The following FMNL3 variants were observed in gnomAD, a reference collection of about 807,000 sequenced individuals.
FMNL3 encodes the protein formin like 3, also known as formin-like protein 3.
FMNL3 carries 57 observed loss-of-function variants against 119.6 expected under a neutral mutation model. The observed-to-expected ratio is 0.48, with a 90% CI of 0.39 to 0.59. FMNL3 has a LOEUF of 0.59. Among genes scored for constraint, FMNL3 ranks in the 20% least tolerant of loss-of-function variants. The probability of loss-of-function intolerance (pLI) is 0.00; values close to 1 mark genes in which losing one functional copy is unlikely to be tolerated. For missense variants in FMNL3, 1,053 were observed against 1,323.5 expected (o/e 0.80, Z 3.17); for synonymous variants, 491 against 507.3 (o/e 0.97, Z 0.43).
At chr12:49,687,096 C>T (rs762087860) in intron 1 of FMNL3, among the ~76,000 whole-genome samples, 24,599 of 142,214 alleles carry the variant, frequency 0.17, 3,420 homozygotes, top group African/African-American at 0.38. Flanking sequence ...TTCCCCATTC[C>T]TTTTTTTTTT....
At position 49,693,987 on chromosome 12, in the gene FMNL3, G is replaced by A. The variant is rs115609983; in HGVS notation, c.126+13068C>T. 4.1e-4 allele frequency among the ~76,000 whole-genome samples: 62 copies of A among 151,638 alleles called. 1 individual carries two copies. The highest frequency in any genetic ancestry group is 1.2e-3 in the Admixed American group (19 of 15,232). On this transcript the variant is annotated intron_variant, in intron 1 of 25. Transcript: ENST00000335154. ...AGGGTCTCATTCAGAGGCCCGGACCGGAGTGCAGTGGCACAATCACGGCTC... is the reference window on the plus strand; with the variant it reads ...AGGGTCTCATTCAGAGGCCCGGACCAGAGTGCAGTGGCACAATCACGGCTC...
At position 49,645,646 on chromosome 12, in the gene FMNL3, A is replaced by T; in HGVS notation, c.*169T>A. 1.7e-6 allele frequency: 1 copy of T among 584,194 alleles called. No homozygotes were observed. Among genetic ancestry groups the T allele is most frequent in the Non-Finnish European group, 3.0e-6 (1 of 338,834 alleles). 36.2% of individuals were successfully genotyped at this position (584,194 alleles called of 1,614,324 possible). A position where few individuals can be genotyped will look rare whatever the true frequency, so the allele number is the denominator to read the frequency against. On this transcript the variant is annotated 3_prime_UTR_variant, in exon 26 of 26. Coordinates refer to ENST00000335154, the MANE Select transcript of FMNL3 (RefSeq NM_175736.5). ...AGTACTGGAAGCACCAGGGACCTAC[A>T]GACCTAGTGCCCATAGTGGCACAAG...
In FMNL3 at chr12:49,642,634, G is replaced by A; in HGVS notation, c.*3181C>T. ...CTTTGAGCAGATCACCCTGGAGTCG[G>A]AGCGGATCCGGCTCTTCCGGGAGTT... is the stretch of plus-strand genomic sequence containing the variant. On this transcript the variant is annotated 3_prime_UTR_variant, in exon 26 of 26. Transcript: ENST00000335154. This position sits in a 1 kb window ranked among gnomAD's most constrained non-coding sequence, Gnocchi z 5.8. 1.9e-6 allele frequency: 3 copies of A among 1,614,210 alleles called. No homozygotes were observed. The highest frequency in any genetic ancestry group is 1.6e-4 in the Middle Eastern group (1 of 6,062).
chr12:49,658,457 C>T lies in FMNL3; in HGVS notation c.590G>A (p.Arg197His), dbSNP rs1420812239. The T allele has an allele frequency of 1.4e-5, 22 of 1,607,112 alleles. No individual in the cohort carries two copies. Among genetic ancestry groups the T allele is most frequent in the East Asian group, 2.2e-5 (1 of 44,672 alleles). ...GCACACATACCGGAGCACAGACTGG[C>T]GCGCAGAGCGAGCGAGGCTGTTGGT... ...PFTNSLARSA[R>H]QSVLRYSTLP... Residue 197 changes from arginine (R) to histidine (H), a missense_variant, in exon 6 of 26, where the codon CGC becomes CAC. Transcript: ENST00000335154.
chr12:49,689,860 T>G (rs568179083), intron 1 of FMNL3, among the ~76,000 whole-genome samples: 1 of 152,268 alleles, frequency 6.6e-6, no homozygotes, highest in South Asian at 2.1e-4. Flanking sequence ...TCCTCCTCCT[T>G]AATTCCCTCC....
At position 49,643,826 on chromosome 12, in the gene FMNL3, C is replaced by T. The variant is rs1942993537; in HGVS notation, c.*1989G>A. 1 of 1,614,044 alleles carries T rather than the reference C, an allele frequency of 6.2e-7. No individual in the cohort carries two copies. Among genetic ancestry groups the T allele is most frequent in the Non-Finnish European group, 8.5e-7 (1 of 1,179,942 alleles). On this transcript the variant is annotated 3_prime_UTR_variant, in exon 26 of 26. Coordinates refer to ENST00000335154, the MANE Select transcript of FMNL3 (RefSeq NM_175736.5). ...TTCTACCTGCCTCCCAGGCTATCCACAGGAACTGAGGAGGTGGGCTCTGGA... is the reference window on the plus strand; with the variant it reads ...TTCTACCTGCCTCCCAGGCTATCCATAGGAACTGAGGAGGTGGGCTCTGGA...
chr12:49,695,369 T>C (rs1944724117), intron 1 of FMNL3, among the ~76,000 whole-genome samples: 1 of 152,182 alleles, frequency 6.6e-6, no homozygotes. Flanking sequence ...CTTTTAGAAG[T>C]TGTTTTTCCA....
intron 1 of FMNL3, among the ~76,000 whole-genome samples, chr12:49,706,678 G>A (rs1945056538): frequency 6.6e-6 from 1 of 152,198 alleles, no homozygotes; most frequent in Non-Finnish European, 1.5e-5. Context: ...CCGCGCTTCT[G>A]AATTCCCCCC....
rs971013304 is a variant in FMNL3, at chr12:49,643,233, CAGA to C, written c.*2579_*2581del. On this transcript the variant is annotated 3_prime_UTR_variant, in exon 26 of 26. Transcript: ENST00000335154. Reference sequence around the variant, plus strand: ...TGCTGATCTGCCCAGGGCTCTGAGTCAGAAGAAGAGGAGCTGCCCCCACCATCT... The same window carrying C: ...TGCTGATCTGCCCAGGGCTCTGAGTCAGAAGAGGAGCTGCCCCCACCATCT... 26 of 1,613,978 alleles carry C rather than the reference CAGA, an allele frequency of 1.6e-5. No individual in the cohort carries two copies. The highest frequency in any genetic ancestry group is 5.3e-5 in the African/African-American group (4 of 74,930).
intron 5 of FMNL3, among the ~76,000 whole-genome samples, chr12:49,659,260 A>G (rs1226569323): frequency 2.0e-5 from 3 of 152,152 alleles, no homozygotes; most frequent in Admixed American, 1.3e-4. Context: ...TTTTTCAGGT[A>G]TACAGGCTCC....
At chr12:49,655,084 G>C (rs1943530632) in intron 9 of FMNL3, 100 bp from the exon 10 acceptor site, 1 of 1,086,722 alleles carries the variant, frequency 9.2e-7, no homozygotes, top group Non-Finnish European at 1.4e-6. Flanking sequence ...GACTGGTTCA[G>C]ACCAAGCTTA....
At chr12:49,694,925 T>G (rs919699072) in intron 1 of FMNL3, among the ~76,000 whole-genome samples, 1 of 151,760 alleles carries the variant, frequency 6.6e-6, no homozygotes, top group Admixed American at 6.6e-5. Flanking sequence ...AAAAAAAAAG[T>G]ATATCCTCTA....
Position 49,649,781 on chromosome 12 carries a change from C to T in FMNL3, c.2145G>A (p.Leu715=). ...TCAACCGTTCCACCTTGCTGAAGAGCAGCATGAAGCGGTCCTCAGCTGCCA... is the reference window on the plus strand; with the variant it reads ...TCAACCGTTCCACCTTGCTGAAGAGTAGCATGAAGCGGTCCTCAGCTGCCA... ...EELAAEDRFM[L]LFSKVERLTQ... The change falls in exon 18 of 26, where the codon CTG becomes CTA. Residue 715 remains leucine (L), a synonymous_variant. Coordinates refer to ENST00000335154, the MANE Select transcript of FMNL3 (RefSeq NM_175736.5). This position sits in a 1 kb window ranked among gnomAD's most constrained non-coding sequence, Gnocchi z 5.6. 6.2e-7 allele frequency: 1 copy of T among 1,614,212 alleles called. No homozygotes were observed. The highest frequency in any genetic ancestry group is 1.1e-5 in the South Asian group (1 of 91,088).
Position 49,650,873 on chromosome 12 carries a change from C to G in FMNL3, c.1803G>C (p.Leu601=). 1 of 1,614,152 alleles carries G rather than the reference C, an allele frequency of 6.2e-7. No individual in the cohort carries two copies. The highest frequency in any genetic ancestry group is 8.5e-7 in the Non-Finnish European group (1 of 1,180,014). The change falls in exon 17 of 26, where the codon CTG becomes CTC. Residue 601 remains leucine, a synonymous_variant. Coordinates refer to ENST00000335154, the MANE Select transcript of FMNL3 (RefSeq NM_175736.5). ...ATAATTCTTCAAACTTATCAAGATC[C>G]AGGTCCTGGCAGGAATAGGTGAGCA... ...ELDDEKILED[L]DLDKFEELFK...
At position 49,645,852 on chromosome 12, in the gene FMNL3, G is replaced by C. The variant is rs749829489; in HGVS notation, c.3047C>G (p.Pro1016Arg). ...VVRHQARSAA[P>R]PSGPPRAPGP... ...TGGAGCCCGAGGGGGACCACTGGGC[G>C]GTGCAGCACTCCTGGCTTGGTGGCG... The change falls in exon 26 of 26, where the codon CCG (proline) becomes CGG (arginine). Residue 1016 changes from proline (P) to arginine (R), a missense_variant. Transcript: ENST00000335154. The C allele has an allele frequency of 1.2e-6, 2 of 1,608,042 alleles. No individual in the cohort carries two copies. Among genetic ancestry groups the C allele is most frequent in the Non-Finnish European group, 1.7e-6 (2 of 1,177,922 alleles).
chr12:49,668,898 A>G lies in FMNL3; in HGVS notation c.127-344T>C, dbSNP rs7952734. ...AGTTTCTTTTCTATTTTATGTATAT[A>G]AACAAATATGTCATATACATACATC... On this transcript the variant is annotated intron_variant, in intron 1 of 25. Transcript: ENST00000335154. Among the ~76,000 whole-genome samples the G allele has an allele frequency of 2.0e-5, 3 of 152,244 alleles. No homozygotes were observed. The South Asian group carries it at 6.2e-4, about 32-fold the overall frequency.
At position 49,647,035 on chromosome 12, in the gene FMNL3, G is replaced by C. The variant is rs201858747; in HGVS notation, c.2872-26C>G. ...CTAGGGCCAAGAATGTGGAGGGGAA[G>C]GAAGTCATCACTAACCTAATGTGGG... On this transcript the variant is annotated intron_variant, in intron 24 of 25. Coordinates refer to ENST00000335154, the MANE Select transcript of FMNL3 (RefSeq NM_175736.5). The surrounding 1 kb of genome is among the most constrained non-coding windows in gnomAD (Gnocchi z 4.9). 186 of 1,612,488 alleles carry C rather than the reference G, an allele frequency of 1.2e-4. 1 individual carries two copies. The African/African-American group carries it at 1.9e-3, about 17-fold the overall frequency.
Position 49,665,815 on chromosome 12 carries a change from C to G in FMNL3, c.368+17G>C, listed in dbSNP as rs187600449. On this transcript the variant is annotated intron_variant, in intron 4 of 25. Coordinates refer to ENST00000335154, the MANE Select transcript of FMNL3 (RefSeq NM_175736.5). ...CCTGGGGCCAGATGAAGAGGCTATACGGCCAATCCAACTCACCCAATGTGG... is the reference window on the plus strand; with the variant it reads ...CCTGGGGCCAGATGAAGAGGCTATAGGGCCAATCCAACTCACCCAATGTGG... The G allele has an allele frequency of 6.2e-7, 1 of 1,613,788 alleles. No individual in the cohort carries two copies. Among genetic ancestry groups the G allele is most frequent in the Non-Finnish European group, 8.5e-7 (1 of 1,179,642 alleles).
intron 22 of FMNL3, 112 bp downstream of exon 22, chr12:49,648,081 T>C: frequency 7.5e-7 from 1 of 1,341,794 alleles, no homozygotes; most frequent in Non-Finnish European, 1.0e-6. Context: ...CTCCCCTACA[T>C]GTAGCCAGCC....
Sources: gnomAD v4.1 joint callset for allele counts (sites outside exome capture counted in the v4.1 genomes callset) on GRCh38, gnomAD v4.1.1 for gene constraint, Gnocchi (gnomAD v3.1) non-coding constraint, MANE v1.5 for transcripts, NCBI Gene and HGNC (gene_info 2026-07-23, HGNC 2026-07-21) for gene names.